ADAMTS17: variants seen among roughly 807,000 people sequenced by gnomAD.
ADAMTS17 encodes the protein ADAM metallopeptidase with thrombospondin type 1 motif 17, also known as A disintegrin and metalloproteinase with thrombospondin motifs 17.
A neutral mutation model predicts 141.5 loss-of-function variants in ADAMTS17; 113 were observed. The ratio of observed to expected loss-of-function variants is 0.80; its 90% CI spans 0.69 to 0.93. ADAMTS17 has a LOEUF of 0.93. Ranked by LOEUF, ADAMTS17 falls within the 40% of genes least tolerant of loss-of-function variation. The pLI is 0.00. For missense variants in ADAMTS17, 1,659 were observed against 1,517.9 expected, an observed-to-expected ratio of 1.09 and a Z score of -1.54; for synonymous variants, 768 against 630.6, an observed-to-expected ratio of 1.22 and a Z score of -3.27.
At chr15:100,030,211 G>A (rs894289772) in intron 18 of ADAMTS17, among the ~76,000 whole-genome samples, 11 of 152,148 alleles carry the variant, frequency 7.2e-5, no homozygotes, top group African/African-American at 1.7e-4. Context: ...CCCAGGAAGC[G>A]GATTAAGAGT....
intron 18 of ADAMTS17, among the ~76,000 whole-genome samples, chr15:100,018,379 C>G (rs185648738): frequency 6.6e-6 from 1 of 152,174 alleles, no homozygotes; most frequent in African/African-American, 2.4e-5. Context: ...TGGCTCTGGG[C>G]CCTCACCCAA....
chr15:100,269,927 T>G (rs1034541362), intron 4 of ADAMTS17, among the ~76,000 whole-genome samples: 3 of 152,340 alleles, frequency 2.0e-5, no homozygotes, highest in African/African-American at 7.2e-5. Context: ...CAGCCCCTGT[T>G]GCTTGTAATC....
intron 5 of ADAMTS17, among the ~76,000 whole-genome samples, 158 bp from the exon 6 acceptor site, chr15:100,261,794 G>A (rs2043527991): frequency 6.6e-6 from 1 of 152,204 alleles, no homozygotes; most frequent in Non-Finnish European, 1.5e-5. Context: ...TAGTGGGTAC[G>A]TGGCATAGAT....
intron 3 of ADAMTS17, among the ~76,000 whole-genome samples, chr15:100,297,593 G>A (rs988978202): frequency 2.6e-5 from 4 of 152,172 alleles, no homozygotes; most frequent in African/African-American, 9.7e-5. Context: ...TGAATGGGGG[G>A]ACCAGTCACT....
intron 4 of ADAMTS17, among the ~76,000 whole-genome samples, chr15:100,266,600 G>A (rs1425319830): frequency 9.2e-5 from 14 of 152,148 alleles, no homozygotes; most frequent in East Asian, 1.9e-4. Context: ...CGGCCTGCCC[G>A]CTTCTCACTG....
At chr15:100,292,117 C>T (rs531376477) in intron 3 of ADAMTS17, among the ~76,000 whole-genome samples, 102 of 147,790 alleles carry the variant, frequency 6.9e-4, no homozygotes, top group African/African-American at 2.4e-3. Context: ...TGGGGAGTCA[C>T]GAGAGACGCT....
chr15:100,276,842 C>G (rs1004557843), intron 4 of ADAMTS17, among the ~76,000 whole-genome samples: 1 of 152,224 alleles, frequency 6.6e-6, no homozygotes, highest in Admixed American at 6.5e-5. Flanking sequence ...CTAAAACAGC[C>G]GCAGGCAGGA....
intron 12 of ADAMTS17, among the ~76,000 whole-genome samples, chr15:100,125,836 A>G (rs1048863541): frequency 1.3e-5 from 2 of 152,190 alleles, no homozygotes; most frequent in African/African-American, 4.8e-5. Context: ...ACTAAAAAAA[A>G]TAATTGTGTG....
chr15:100,107,226 T>G (rs968156294), intron 14 of ADAMTS17, among the ~76,000 whole-genome samples: 3 of 152,254 alleles, frequency 2.0e-5, no homozygotes, highest in Middle Eastern at 3.4e-3. Flanking sequence ...CACACTGAAA[T>G]GTTGATGCCT....
At chr15:100,087,150 A>T (rs1391921714) in intron 15 of ADAMTS17, among the ~76,000 whole-genome samples, 2 of 152,220 alleles carry the variant, frequency 1.3e-5, no homozygotes, top group Admixed American at 1.3e-4. Context: ...ACAAAATGAT[A>T]AAGGGGATAT....
chr15:100,261,889 G>T (rs1163228750), intron 5 of ADAMTS17, among the ~76,000 whole-genome samples: 8 of 152,198 alleles, frequency 5.3e-5, no homozygotes, highest in Admixed American at 5.2e-4. Flanking sequence ...TCTGCAAACA[G>T]AACAGTATCC....
chr15:100,057,393 A>G (rs1165452853), intron 15 of ADAMTS17, among the ~76,000 whole-genome samples: 3 of 151,936 alleles, frequency 2.0e-5, no homozygotes, highest in Non-Finnish European at 2.9e-5. Context: ...GCTCCGTAGA[A>G]CCCATTTCTC....
intron 18 of ADAMTS17, among the ~76,000 whole-genome samples, chr15:100,036,629 A>G (rs948764047): frequency 6.6e-6 from 1 of 152,222 alleles, no homozygotes; most frequent in East Asian, 1.9e-4. Flanking sequence ...ATATACCACA[A>G]TGCAACCATC....
rs1324489624 is a variant in ADAMTS17 at position 100,047,277 on chromosome 15, C to T, written c.2591+1580G>A. On this transcript the variant is annotated intron_variant, in intron 18 of 21. Transcript: ENST00000268070. ...GCCCGAAACTTCATTAGCAATTTTT[C>T]GCCCCGGTCCTGTGGTCCTGTGATC... is the stretch of plus-strand genomic sequence containing the variant. Among the ~76,000 whole-genome samples, 8 of 113,776 alleles carry T rather than the reference C, an allele frequency of 7.0e-5. 1 individual carries two copies. The highest frequency in any genetic ancestry group is 1.0e-4 in the Non-Finnish European group (6 of 58,314). 74.6% of individuals were successfully genotyped at this position (113,776 alleles called of 152,430 possible). A position where few individuals can be genotyped will look rare whatever the true frequency, so the allele number is the denominator to read the frequency against.
intron 12 of ADAMTS17, among the ~76,000 whole-genome samples, chr15:100,123,946 G>A (rs926652864): frequency 1.3e-4 from 19 of 151,294 alleles, no homozygotes; most frequent in East Asian, 7.8e-4. Context: ...ACTATCAATC[G>A]TTTCTAGTTT....
At chr15:100,221,382 A>G (rs939338034) in intron 7 of ADAMTS17, among the ~76,000 whole-genome samples, 1 of 152,002 alleles carries the variant, frequency 6.6e-6, no homozygotes, top group African/African-American at 2.4e-5. Context: ...AAATTTTGCT[A>G]CAGTAGTGGA....
At chr15:100,311,217 T>C (rs1476205626) in intron 3 of ADAMTS17, among the ~76,000 whole-genome samples, 2 of 152,206 alleles carry the variant, frequency 1.3e-5, no homozygotes, top group Non-Finnish European at 2.9e-5. Flanking sequence ...GCTCTCTCCC[T>C]TGGAGGGAAC....
At chr15:100,107,238 T>C (rs1222839858) in intron 14 of ADAMTS17, among the ~76,000 whole-genome samples, 1 of 152,220 alleles carries the variant, frequency 6.6e-6, no homozygotes, top group African/African-American at 2.4e-5. Context: ...TTGATGCCTA[T>C]GCACTCTGCT....
chr15:100,198,244 TA>T (rs1284228309), intron 8 of ADAMTS17, among the ~76,000 whole-genome samples: 1 of 152,160 alleles, frequency 6.6e-6, no homozygotes, highest in African/African-American at 2.4e-5. Context: ...ACCAGCATTT[TA>T]AAAAGTGAAT....
Sources: allele counts gnomAD v4.1 joint callset (sites outside exome capture counted in the v4.1 genomes callset), GRCh38; gene constraint gnomAD v4.1.1; transcripts MANE v1.5; gene names NCBI Gene and HGNC (gene_info 2026-07-23, HGNC 2026-07-21).